Variants in SLC36A1 observed in about 807,000 individuals in gnomAD.
SLC36A1 encodes proton-coupled amino acid transporter 1.
In SLC36A1, 30 loss-of-function variants were observed where a neutral mutation model predicts 47.5. That is an observed-to-expected ratio of 0.63 (90% CI 0.47 to 0.86). The LOEUF is 0.86. Among genes scored for constraint, SLC36A1 ranks in the 40% least tolerant of loss-of-function variants. SLC36A1 has a pLI of 0.00. For synonymous variants in SLC36A1, 255 were observed against 249.7 expected, an observed-to-expected ratio of 1.02 and a Z score of -0.20; for missense variants, 517 against 606.0, an observed-to-expected ratio of 0.85 and a Z score of 1.54.
chr5:151,376,642 T>G, the SLC36A1 span, among the ~76,000 whole-genome samples: 1 of 152,160 alleles, frequency 6.6e-6, no homozygotes, highest in Non-Finnish European at 1.5e-5. Flanking sequence ...TCAAAAATTT[T>G]TTTTTTTGAG....
intron 6 of SLC36A1, 33 bp from the exon 7 acceptor site, chr5:151,467,674 G>T (rs193275166): frequency 2.6e-6 from 4 of 1,564,530 alleles, no homozygotes; most frequent in Admixed American, 3.3e-5. Flanking sequence ...TGTTTGAGAG[G>T]TGTTTCCGTT....
At chr5:151,409,458 A>T in the SLC36A1 span, among the ~76,000 whole-genome samples, 34 of 152,294 alleles carry the variant, frequency 2.2e-4, no homozygotes, top group African/African-American at 7.9e-4. Flanking sequence ...TCATTTCTTG[A>T]TCTCCAAAAC....
chr5:151,552,879 C>G, the SLC36A1 span, among the ~76,000 whole-genome samples: 4 of 152,248 alleles, frequency 2.6e-5, no homozygotes, highest in Non-Finnish European at 5.9e-5. Context: ...CATTTCTGCT[C>G]TGGGTCTTCC....
the SLC36A1 span, among the ~76,000 whole-genome samples, chr5:151,344,739 G>A: frequency 6.6e-6 from 1 of 152,132 alleles, no homozygotes; most frequent in African/African-American, 2.4e-5. Context: ...GACAGCGTAA[G>A]TAAAGAAACA....
intron 10 of SLC36A1, among the ~76,000 whole-genome samples, chr5:151,485,016 A>G (rs1759331233): frequency 6.6e-6 from 1 of 152,158 alleles, no homozygotes; most frequent in African/African-American, 2.4e-5. Context: ...TGTCGGTACC[A>G]CAGCAGACCA....
chr5:151,446,269 C>T (rs1021833807), upstream of SLC36A1, among the ~76,000 whole-genome samples: 8 of 152,200 alleles, frequency 5.3e-5, no homozygotes, highest in African/African-American at 1.9e-4. Flanking sequence ...TGGTGGCTCA[C>T]ACCTATAATC....
At chr5:151,430,274 C>T in the SLC36A1 span, among the ~76,000 whole-genome samples, 1 of 150,866 alleles carries the variant, frequency 6.6e-6, no homozygotes. Flanking sequence ...AAACAATTCT[C>T]CTGCCTCAGC....
At chr5:151,535,538 C>G in the SLC36A1 span, among the ~76,000 whole-genome samples, 1 of 149,944 alleles carries the variant, frequency 6.7e-6, no homozygotes, top group Admixed American at 6.6e-5. Flanking sequence ...CCCCTTTCCT[C>G]ATGCCTCGCC....
At chr5:151,463,332 AGTG>A (rs1755834998) in intron 2 of SLC36A1, among the ~76,000 whole-genome samples, 1 of 152,228 alleles carries the variant, frequency 6.6e-6, no homozygotes, top group Non-Finnish European at 1.5e-5. Context: ...CTTACAGCAC[AGTG>A]GATAAGAGGG....
chr5:151,467,325 AGC>A, intron 6 of SLC36A1, 42 bp downstream of exon 6: 1 of 1,201,444 alleles, frequency 8.3e-7, no homozygotes, highest in Non-Finnish European at 1.2e-6. Flanking sequence ...AAAAAACCAG[AGC>A]GAGAATGGCA....
chr5:151,506,056 TG>T, the SLC36A1 span: 1 of 1,553,106 alleles, frequency 6.4e-7, no homozygotes, highest in Non-Finnish European at 8.6e-7. Flanking sequence ...CGTTCGTTCC[TG>T]GAGTAAGTAG....
the SLC36A1 span, among the ~76,000 whole-genome samples, chr5:151,499,569 G>A: frequency 6.6e-6 from 1 of 152,086 alleles, no homozygotes; most frequent in Admixed American, 6.5e-5. Flanking sequence ...CAAGGCCTTT[G>A]GCTCTGCCTT....
the SLC36A1 span, chr5:151,543,151 A>T: frequency 6.2e-7 from 1 of 1,614,108 alleles, no homozygotes; most frequent in Non-Finnish European, 8.5e-7. Flanking sequence ...TTTGATGAAG[A>T]AGTCAAGGGT....
chr5:151,432,654 C>T (rs928869173), upstream of SLC36A1, among the ~76,000 whole-genome samples: 1 of 152,148 alleles, frequency 6.6e-6, no homozygotes, highest in African/African-American at 2.4e-5. Flanking sequence ...GGAAGCTATC[C>T]AGGTGGGCTT....
At chr5:151,472,544 C>T (rs911514620) in intron 7 of SLC36A1, among the ~76,000 whole-genome samples, 1 of 152,192 alleles carries the variant, frequency 6.6e-6, no homozygotes, top group Non-Finnish European at 1.5e-5. Context: ...CTGCAGTTAA[C>T]AGTTGCCCTT....
chr5:151,475,860 A>C (rs1011546657), intron 8 of SLC36A1, among the ~76,000 whole-genome samples: 2 of 152,226 alleles, frequency 1.3e-5, no homozygotes, highest in Non-Finnish European at 2.9e-5. Context: ...GATCCAGTTG[A>C]TGGCAGACTG....
At chr5:151,378,595 G>T in the SLC36A1 span, 3 of 194,964 alleles carry the variant, frequency 1.5e-5, no homozygotes, top group South Asian at 3.2e-4. Flanking sequence ...AGGTCATGGT[G>T]ACCATCTTCC....
chr5:151,361,858 C>T, the SLC36A1 span, among the ~76,000 whole-genome samples: 1 of 152,108 alleles, frequency 6.6e-6, no homozygotes, highest in Admixed American at 6.6e-5. Flanking sequence ...TCTTGGATGA[C>T]AGTTTTTTTT....
the SLC36A1 span, chr5:151,531,879 C>G: frequency 6.2e-7 from 1 of 1,614,180 alleles, no homozygotes; most frequent in Non-Finnish European, 8.5e-7. This position sits in a 1 kb window ranked among gnomAD's most constrained non-coding sequence, Gnocchi z 5.7. Context: ...CCTGCAGCGG[C>G]TTTTCCAGGC....
Sources: gnomAD v4.1 joint callset for allele counts (sites outside exome capture counted in the v4.1 genomes callset) on GRCh38, gnomAD v4.1.1 for gene constraint, Gnocchi (gnomAD v3.1) non-coding constraint, MANE v1.5 for transcripts, NCBI Gene and HGNC (gene_info 2026-07-23, HGNC 2026-07-21) for gene names.